TENM4: variants seen among roughly 807,000 people sequenced by gnomAD.
TENM4 encodes the protein teneurin-4.
A neutral mutation model predicts 243.3 loss-of-function variants in TENM4; 82 were observed. That is an observed-to-expected ratio of 0.34 (90% confidence interval 0.28 to 0.40). The LOEUF is 0.40. Among genes scored for constraint, TENM4 ranks in the 10% least tolerant of loss-of-function variants. The pLI is 1.00. For synonymous variants in TENM4, 1,412 were observed against 1,456.3 expected (o/e 0.97, Z 0.69); for missense variants, 3,138 against 3,673.3 (o/e 0.85, Z 3.77).
At position 78,668,752 on chromosome 11, in the gene TENM4, G is replaced by A. The variant is rs150892191; in HGVS notation, c.7408+185C>T. Reference sequence around the variant, plus strand: ...GACCCTGACAAATTTATTTGATGCTGGAACCATTTTTCCAGAGTATTTTCT... The same window carrying A: ...GACCCTGACAAATTTATTTGATGCTAGAACCATTTTTCCAGAGTATTTTCT... On this transcript the variant is annotated intron_variant, in intron 32 of 33. Coordinates refer to ENST00000278550, the MANE Select transcript of TENM4 (RefSeq NM_001098816.3). 1.6e-3 allele frequency among the ~76,000 whole-genome samples: 247 copies of A among 152,278 alleles called. 1 individual carries two copies. The highest frequency in any genetic ancestry group is 3.4e-3 in the Middle Eastern group (1 of 294).
intron 4 of TENM4, among the ~76,000 whole-genome samples, chr11:79,125,044 T>C (rs1351773607): frequency 6.6e-6 from 1 of 150,940 alleles, no homozygotes; most frequent in Non-Finnish European, 1.5e-5. Flanking sequence ...GGTTTCAGGG[T>C]TTCTGGAATT....
At chr11:79,049,705 C>T (rs181856388) in intron 6 of TENM4, among the ~76,000 whole-genome samples, 6 of 152,310 alleles carry the variant, frequency 3.9e-5, no homozygotes, top group South Asian at 2.1e-4. Context: ...TATTTCCTTC[C>T]GGGAGATTGG....
At chr11:78,883,445 C>T (rs1221207210) in intron 9 of TENM4, among the ~76,000 whole-genome samples, 5 of 152,198 alleles carry the variant, frequency 3.3e-5, no homozygotes, top group East Asian at 1.9e-4. Flanking sequence ...GAGAACCCCA[C>T]GCTGCATTAG....
chr11:78,723,373 G>T (rs1855444814), intron 23 of TENM4, among the ~76,000 whole-genome samples: 1 of 152,248 alleles, frequency 6.6e-6, no homozygotes, highest in Non-Finnish European at 1.5e-5. Flanking sequence ...TTTCAAGTGT[G>T]GAGACTATGT....
intron 12 of TENM4, among the ~76,000 whole-genome samples, chr11:78,850,449 TA>T (rs1858509575): frequency 6.6e-6 from 1 of 152,184 alleles, no homozygotes; most frequent in South Asian, 2.1e-4. Context: ...ATTGGGGCCA[TA>T]ATGACTTCAC....
intron 6 of TENM4, among the ~76,000 whole-genome samples, chr11:78,961,946 A>G (rs1461056554): frequency 2.6e-5 from 4 of 151,096 alleles, no homozygotes; most frequent in Non-Finnish European, 4.4e-5. Flanking sequence ...CAGCCCTCCA[A>G]CTCTTGCACA....
At chr11:79,144,577 A>G (rs1348551870) in intron 4 of TENM4, among the ~76,000 whole-genome samples, 1 of 152,150 alleles carries the variant, frequency 6.6e-6, no homozygotes, top group Non-Finnish European at 1.5e-5. Flanking sequence ...GAACATATTC[A>G]CAATGGAGTA....
intron 21 of TENM4, 109 bp downstream of exon 21, chr11:78,732,206 GA>G: frequency 6.9e-7 from 1 of 1,446,384 alleles, no homozygotes; most frequent in African/African-American, 1.4e-5. Context: ...GATGGGACCT[GA>G]CCCAAGCCCT....
At chr11:78,751,400 G>A (rs1006371105) in intron 19 of TENM4, among the ~76,000 whole-genome samples, 21 of 152,094 alleles carry the variant, frequency 1.4e-4, no homozygotes, top group Admixed American at 3.9e-4. Context: ...CCCTGTCCAC[G>A]ACCATCTATT....
rs151025285 is a variant in TENM4, at chr11:79,305,739, A to T, written c.-320-8196T>A. On this transcript the variant is annotated intron_variant, in intron 1 of 33. Coordinates refer to ENST00000278550, the MANE Select transcript of TENM4 (RefSeq NM_001098816.3). ...GGCCAGATTTGTCCTTGAGATAATC[A>T]GTCTGGCTGCATTCGAGACAGACTA... Among the ~76,000 whole-genome samples, 199 of 152,338 alleles carry T rather than the reference A, an allele frequency of 1.3e-3. 1 individual carries two copies. Among genetic ancestry groups the T allele is most frequent in the Non-Finnish European group, 1.2e-3 (80 of 68,024 alleles).
chr11:78,860,954 A>G (rs1858804757), intron 10 of TENM4, among the ~76,000 whole-genome samples: 1 of 152,228 alleles, frequency 6.6e-6, no homozygotes, highest in Non-Finnish European at 1.5e-5. Context: ...CCACAGACTA[A>G]TTTCATTAGA....
intron 3 of TENM4, among the ~76,000 whole-genome samples, chr11:79,172,411 C>G (rs1279877940): frequency 1.3e-5 from 2 of 152,180 alleles, no homozygotes; most frequent in African/African-American, 4.8e-5. Context: ...TCCCCCAAAC[C>G]AGCCCCTTCT....
At chr11:79,250,504 T>C (rs1855591559) in intron 2 of TENM4, among the ~76,000 whole-genome samples, 1 of 152,232 alleles carries the variant, frequency 6.6e-6, no homozygotes, top group African/African-American at 2.4e-5. Flanking sequence ...AAGCCACACA[T>C]TCTCAATCAC....
chr11:78,851,368 G>C (rs1858534249), intron 12 of TENM4, among the ~76,000 whole-genome samples: 1 of 152,190 alleles, frequency 6.6e-6, no homozygotes, highest in Non-Finnish European at 1.5e-5. Context: ...GGGAAAAGAA[G>C]ACCGTCTCCC....
rs142639264 is a variant in TENM4, at chr11:79,014,120, T to G, written c.493+50618A>C. On this transcript the variant is annotated intron_variant, in intron 6 of 33. Coordinates refer to ENST00000278550, the MANE Select transcript of TENM4 (RefSeq NM_001098816.3). ...CACACAGTAGGCAGTCCACAAATAT[T>G]CATTAAAAGAATAGATAACAAAAGA... 4.6e-4 allele frequency among the ~76,000 whole-genome samples: 69 copies of G among 149,648 alleles called. No homozygotes were observed. The East Asian group carries it at 0.011, about 24-fold the overall frequency.
chr11:78,660,985 C>T (rs1372455303), intron 33 of TENM4, among the ~76,000 whole-genome samples: 1 of 152,226 alleles, frequency 6.6e-6, no homozygotes, highest in Non-Finnish European at 1.5e-5. Flanking sequence ...CCCAGCTCTA[C>T]CCCTTCCTTG....
intron 6 of TENM4, among the ~76,000 whole-genome samples, chr11:79,032,435 G>A (rs1859268048): frequency 6.6e-6 from 1 of 152,190 alleles, no homozygotes; most frequent in African/African-American, 2.4e-5. Context: ...GGCAAGTACA[G>A]GCCTGGAAGC....
rs754933671 is a variant in TENM4 at position 78,669,380 on chromosome 11, T to C, written c.6965A>G (p.Lys2322Arg). The C allele has an allele frequency of 6.2e-7, 1 of 1,613,684 alleles. No homozygotes were observed. The highest frequency in any genetic ancestry group is 8.5e-7 in the Non-Finnish European group (1 of 1,179,740). The part of the protein sequence containing the change: ...FFYADLTNPT[K>R]VTHLYNHSSS... ...GGAGTGGTTGTACAGGTGGGTGACC[T>C]TGGTGGGGTTGGTCAGGTCTGCATA... The change falls in exon 32 of 34, where the codon AAG becomes AGG. Residue 2322 changes from lysine (K) to arginine (R), a missense_variant. Coordinates refer to ENST00000278550, the MANE Select transcript of TENM4 (RefSeq NM_001098816.3). This position sits in a 1 kb window ranked among gnomAD's most constrained non-coding sequence, Gnocchi z 6.4.
intron 5 of TENM4, among the ~76,000 whole-genome samples, chr11:79,069,384 C>G (rs961539257): frequency 2.6e-5 from 4 of 152,184 alleles, no homozygotes; most frequent in Non-Finnish European, 5.9e-5. Context: ...ACTAGGGAGG[C>G]TTCTCACGGC....
Sources: allele counts gnomAD v4.1 joint callset (sites outside exome capture counted in the v4.1 genomes callset), GRCh38; gene constraint gnomAD v4.1.1; non-coding constraint Gnocchi (gnomAD v3.1); transcripts MANE v1.5; gene names NCBI Gene and HGNC (gene_info 2026-07-23, HGNC 2026-07-21).